Variants in ARHGAP28 observed in about 807,000 individuals in gnomAD.
ARHGAP28 encodes the protein rho GTPase-activating protein 28.
In ARHGAP28, 56 loss-of-function variants were observed where a neutral mutation model predicts 90.7. The observed-to-expected ratio is 0.62, with a 90% CI of 0.50 to 0.77. The LOEUF (loss-of-function observed/expected upper bound fraction) is 0.77. ARHGAP28 is among the 30% of genes least tolerant of loss of function. The pLI, the probability that ARHGAP28 is intolerant of heterozygous loss-of-function variation, is 0.00. For missense variants in ARHGAP28, 869 were observed against 900.9 expected, an observed-to-expected ratio of 0.96 and a Z score of 0.45; for synonymous variants, 308 against 323.3, an observed-to-expected ratio of 0.95 and a Z score of 0.51.
chr18:6,877,596 G>A lies in ARHGAP28; in HGVS notation c.1290+1388G>A, dbSNP rs186153209. 4.4e-4 allele frequency among the ~76,000 whole-genome samples: 67 copies of A among 152,316 alleles called. No homozygotes were observed. The East Asian group carries it at 0.011, about 24-fold the overall frequency. On this transcript the variant is annotated intron_variant, in intron 10 of 17. Coordinates refer to ENST00000383472, the MANE Select transcript of ARHGAP28 (RefSeq NM_001366230.1). ...CAGGGCACCAGGGCATCAGGGCTCC[G>A]GGCATGTTGAGGGGTTACGGCTTCC... is the stretch of plus-strand genomic sequence containing the variant.
chr18:6,859,865 G>C lies in ARHGAP28; in HGVS notation c.694G>C (p.Gly232Arg). The change falls in exon 5 of 18, where the codon GGG becomes CGG. Residue 232 changes from glycine to arginine, a missense_variant. Gly to Arg is a moderately radical substitution (Grantham distance 125, BLOSUM62 -2). Transcript: ENST00000383472. Reference sequence around the variant, plus strand: ...GTCTGACGCATCCCAGGATAAAGAAGGGAGTTTTGCGGTTCCCAGGAGTGA... The same window carrying C: ...GTCTGACGCATCCCAGGATAAAGAACGGAGTTTTGCGGTTCCCAGGAGTGA... ...TLSDASQDKEGSFAVPRSDSV... is the reference protein window; with the variant it reads ...TLSDASQDKERSFAVPRSDSV... 6.2e-7 allele frequency: 1 copy of C among 1,614,228 alleles called. No homozygotes were observed. The highest frequency in any genetic ancestry group is 1.3e-5 in the African/African-American group (1 of 75,060).
At chr18:6,796,988 G>GA (rs2056446305) in intron 1 of ARHGAP28, among the ~76,000 whole-genome samples, 1 of 152,194 alleles carries the variant, frequency 6.6e-6, no homozygotes, top group African/African-American at 2.4e-5. Flanking sequence ...ATTGAAATTA[G>GA]GTTAGTCTAG....
rs534233341 is a variant in ARHGAP28, at chr18:6,762,812, A to G, written c.122+32869A>G. On this transcript the variant is annotated intron_variant, in intron 1 of 17. Coordinates refer to ENST00000383472, the MANE Select transcript of ARHGAP28 (RefSeq NM_001366230.1). ...AACGCTGTCAGTACCTTGATCTTAG[A>G]CTTTTAATTTCCAGAACTGTGAGAA... Among the ~76,000 whole-genome samples, 12 of 152,056 alleles carry G rather than the reference A, an allele frequency of 7.9e-5. No individual in the cohort carries two copies. In the South Asian group the frequency reaches 2.5e-3, roughly 32 times the overall value.
chr18:6,878,259 A>G (rs2057148699), intron 10 of ARHGAP28, among the ~76,000 whole-genome samples: 1 of 148,224 alleles, frequency 6.7e-6, no homozygotes, highest in African/African-American at 2.5e-5. Context: ...AAAACCAAAC[A>G]CCGCATGTTC....
intron 1 of ARHGAP28, among the ~76,000 whole-genome samples, chr18:6,796,947 A>G (rs1284734883): frequency 6.6e-6 from 1 of 152,212 alleles, no homozygotes; most frequent in African/African-American, 2.4e-5. Context: ...GGTGTCTGGT[A>G]GGTGAAGGGG....
chr18:6,903,144 G>A (rs1014888421), intron 16 of ARHGAP28, among the ~76,000 whole-genome samples: 3 of 152,082 alleles, frequency 2.0e-5, no homozygotes, highest in South Asian at 2.1e-4. Flanking sequence ...GGGCCAAAGA[G>A]GAAGGGGAAA....
Position 6,747,822 on chromosome 18 carries a change from A to G in ARHGAP28, c.122+17879A>G, listed in dbSNP as rs868548442. 6.6e-5 allele frequency among the ~76,000 whole-genome samples: 10 copies of G among 152,304 alleles called. No homozygotes were observed. In the Middle Eastern group the frequency reaches 0.01, roughly 155 times the overall value. ...TTCGGACTTCACATTTAGTAGAGAC[A>G]TACATAGCTCTTACCCCCAGTGACT... On this transcript the variant is annotated intron_variant, in intron 1 of 17. Coordinates refer to ENST00000383472, the MANE Select transcript of ARHGAP28 (RefSeq NM_001366230.1).
intron 1 of ARHGAP28, among the ~76,000 whole-genome samples, chr18:6,736,620 G>A (rs907311585): frequency 2.6e-5 from 4 of 151,566 alleles, no homozygotes; most frequent in African/African-American, 4.9e-5. Context: ...GATGGTGGGC[G>A]CCTGTAATCC....
intron 1 of ARHGAP28, among the ~76,000 whole-genome samples, chr18:6,748,490 G>T (rs971438028): frequency 6.6e-6 from 1 of 152,148 alleles, no homozygotes; most frequent in African/African-American, 2.4e-5. Flanking sequence ...CTTGAATCAG[G>T]ACACTTCTGG....
intron 1 of ARHGAP28, among the ~76,000 whole-genome samples, chr18:6,741,914 C>T (rs7229682): frequency 0.02 from 3,058 of 152,188 alleles, 112 homozygotes; most frequent in African/African-American, 0.069. Flanking sequence ...ATCCCCCAAT[C>T]GCTTTATTCC....
chr18:6,893,276 C>T (rs2057279876), intron 14 of ARHGAP28, among the ~76,000 whole-genome samples: 1 of 152,186 alleles, frequency 6.6e-6, no homozygotes, highest in African/African-American at 2.4e-5. Flanking sequence ...GAGGTCCATT[C>T]TGCTCCCTGC....
intron 10 of ARHGAP28, among the ~76,000 whole-genome samples, chr18:6,881,122 A>G (rs28619367): frequency 0.016 from 2,392 of 152,150 alleles, 58 homozygotes; most frequent in African/African-American, 0.055. Context: ...GCTGCCAGGG[A>G]CCTCCAGTTT....
intron 1 of ARHGAP28, among the ~76,000 whole-genome samples, chr18:6,744,386 CT>C (rs1173528020): frequency 6.6e-6 from 1 of 152,124 alleles, no homozygotes; most frequent in Non-Finnish European, 1.5e-5. Context: ...ATTTCTTCAT[CT>C]GGATTATGAG....
At chr18:6,759,583 A>G (rs1363317601) in intron 1 of ARHGAP28, among the ~76,000 whole-genome samples, 2 of 152,266 alleles carry the variant, frequency 1.3e-5, no homozygotes, top group East Asian at 3.8e-4. Flanking sequence ...TACGCTGGAT[A>G]TGCTTATGGA....
intron 3 of ARHGAP28, among the ~76,000 whole-genome samples, chr18:6,846,291 C>T (rs774350557): frequency 2.0e-5 from 3 of 151,956 alleles, no homozygotes; most frequent in Non-Finnish European, 2.9e-5. Flanking sequence ...ATGAAGATGG[C>T]GATGATGATG....
intron 10 of ARHGAP28, among the ~76,000 whole-genome samples, chr18:6,879,985 G>C (rs1741861584): frequency 1.3e-5 from 2 of 152,186 alleles, no homozygotes; most frequent in Admixed American, 6.5e-5. Flanking sequence ...CACAGGTTAG[G>C]ACGGCCACAT....
At chr18:6,854,209 A>G (rs2056934107) in intron 4 of ARHGAP28, among the ~76,000 whole-genome samples, 1 of 151,656 alleles carries the variant, frequency 6.6e-6, no homozygotes, top group Non-Finnish European at 1.5e-5. Flanking sequence ...CTCTTTTTTG[A>G]CAAACTGTTA....
rs150338021 is a variant in ARHGAP28, at chr18:6,812,817, T to C, written c.123-11945T>C. Among the ~76,000 whole-genome samples the C allele has an allele frequency of 4.7e-4, 72 of 152,346 alleles. No individual in the cohort carries two copies. The East Asian group carries it at 0.012, about 26-fold the overall frequency. On this transcript the variant is annotated intron_variant, in intron 1 of 17. Transcript: ENST00000383472. ...GTCTTTCTAACGTTCATGTTGACCA[T>C]TGGCATTCAGATTACTGATCTGTGC...
chr18:6,840,787 C>A (rs1212497529), intron 3 of ARHGAP28, among the ~76,000 whole-genome samples: 1 of 152,092 alleles, frequency 6.6e-6, no homozygotes, highest in African/African-American at 2.4e-5. Flanking sequence ...GTTAAAAGGG[C>A]TTGTGCTGTC....
Sources: allele counts gnomAD v4.1 joint callset (sites outside exome capture counted in the v4.1 genomes callset), GRCh38; gene constraint gnomAD v4.1.1; transcripts MANE v1.5; gene names NCBI Gene and HGNC (gene_info 2026-07-23, HGNC 2026-07-21).